MAN1B1: variants seen among roughly 807,000 people sequenced by gnomAD.
The protein encoded by MAN1B1 is mannosidase alpha class 1B member 1, also known as endoplasmic reticulum mannosyl-oligosaccharide 1,2-alpha-mannosidase.
A neutral mutation model predicts 75.5 loss-of-function variants in MAN1B1; 66 were observed. The observed-to-expected ratio is 0.87, with a 90% confidence interval of 0.72 to 1.07. The LOEUF (loss-of-function observed/expected upper bound fraction) is 1.07, where lower values mean the gene tolerates loss of function less well. Among genes scored for constraint, MAN1B1 ranks in the 50% least tolerant of loss-of-function variants. The pLI is 0.00. For missense variants in MAN1B1, 973 were observed against 912.5 expected (o/e 1.07, Z -0.85); for synonymous variants, 453 against 382.8 (o/e 1.18, Z -2.14).
chr9:137,093,458 T>C (rs900056044), intron 3 of MAN1B1, among the ~76,000 whole-genome samples: 2 of 152,234 alleles, frequency 1.3e-5, no homozygotes, highest in Non-Finnish European at 2.9e-5. Flanking sequence ...ATCCTGATAC[T>C]AAAATATATA....
chr9:137,102,989 G>A, intron 8 of MAN1B1: 1 of 394,192 alleles, frequency 2.5e-6, no homozygotes, highest in South Asian at 1.7e-5. Flanking sequence ...CAGGTCGGTG[G>A]TCTTACATTC....
intron 5 of MAN1B1, 89 bp from the exon 6 acceptor site, chr9:137,099,607 G>A (rs1296004433): frequency 3.9e-5 from 55 of 1,410,006 alleles, no homozygotes; most frequent in Non-Finnish European, 5.4e-5. Flanking sequence ...GCCCCATGGG[G>A]GTCACAGCAG....
At position 137,096,253 on chromosome 9, in the gene MAN1B1, T is replaced by C. The variant is rs2131002805; in HGVS notation, c.482T>C (p.Ile161Thr). ...TCTCTACAGAAGACACAAAGACACA[T>C]CCAGCGGGGACCACCTCACCTGCAG... ...EISSQKTQRH[I>T]QRGPPHLQIR... Residue 161 changes from isoleucine to threonine, a missense_variant, in exon 4 of 13, where the codon ATC becomes ACC. Ile to Thr is a moderately conservative substitution (Grantham distance 89, BLOSUM62 -1). Transcript: ENST00000371589. 1 of 1,614,030 alleles carries C rather than the reference T, an allele frequency of 6.2e-7. No homozygotes were observed. The highest frequency in any genetic ancestry group is 1.1e-5 in the South Asian group (1 of 91,064).
In MAN1B1 at chr9:137,097,541, C is replaced by T. The variant is rs556845679; in HGVS notation, c.621-287C>T. 3.3e-5 allele frequency among the ~76,000 whole-genome samples: 5 copies of T among 152,310 alleles called. No homozygotes were observed. In the East Asian group the frequency reaches 9.7e-4, roughly 29 times the overall value. On this transcript the variant is annotated intron_variant, in intron 4 of 12. Coordinates refer to ENST00000371589, the MANE Select transcript of MAN1B1 (RefSeq NM_016219.5). ...ATTCTCTACTCCTCCACCATAGAGG[C>T]CCCCCGCCTCCGGCCTCTGCAGAGG...
chr9:137,108,043 T>G, intron 12 of MAN1B1: 1 of 609,668 alleles, frequency 1.6e-6, no homozygotes, highest in South Asian at 2.0e-5. Context: ...CACGCCAGAG[T>G]GTCACTTCCT....
At chr9:137,097,317 C>G (rs572999304) in intron 4 of MAN1B1, among the ~76,000 whole-genome samples, 204 of 152,308 alleles carry the variant, frequency 1.3e-3, no homozygotes, top group African/African-American at 4.9e-3. Flanking sequence ...AGAGAACGCT[C>G]GGGCCCAGCC....
At chr9:137,092,439 A>G (rs1830541199) in intron 3 of MAN1B1, among the ~76,000 whole-genome samples, 1 of 152,170 alleles carries the variant, frequency 6.6e-6, no homozygotes, top group South Asian at 2.1e-4. Context: ...TGTGTACGTA[A>G]TTGAGGGTTA....
chr9:137,089,404 G>A, intron 3 of MAN1B1: 1 of 302,338 alleles, frequency 3.3e-6, no homozygotes, highest in South Asian at 3.0e-5. Context: ...GTTCAGGGGA[G>A]GCCGTGGCAC....
chr9:137,099,740 C>A lies in MAN1B1; in HGVS notation c.775C>A (p.His259Asn). ...GAAGGGCGTGATTGACGTCTTCCTGCATGCATGGAAAGGATACCGCAAGTT... is the reference window on the plus strand; with the variant it reads ...GAAGGGCGTGATTGACGTCTTCCTGAATGCATGGAAAGGATACCGCAAGTT... The part of the protein sequence containing the change: ...RQKGVIDVFL[H>N]AWKGYRKFAW... Residue 259 changes from histidine (H) to asparagine (N), a missense_variant, in exon 6 of 13, where the codon CAT becomes AAT. Coordinates refer to ENST00000371589, the MANE Select transcript of MAN1B1 (RefSeq NM_016219.5). 6.2e-7 allele frequency: 1 copy of A among 1,614,238 alleles called. No homozygotes were observed. Among genetic ancestry groups the A allele is most frequent in the Non-Finnish European group, 8.5e-7 (1 of 1,180,048 alleles).
chr9:137,095,004 A>T (rs979545486), intron 3 of MAN1B1, among the ~76,000 whole-genome samples: 1 of 150,740 alleles, frequency 6.6e-6, no homozygotes, highest in African/African-American at 2.4e-5. Flanking sequence ...CCTGGCAAAC[A>T]TGGTAAAACC....
At chr9:137,100,705 C>G (rs542847804) in intron 6 of MAN1B1, among the ~76,000 whole-genome samples, 1 of 152,202 alleles carries the variant, frequency 6.6e-6, no homozygotes, top group East Asian at 1.9e-4. Flanking sequence ...CTGCAGCCTT[C>G]GCCTCCCGGG....
intron 8 of MAN1B1, 157 bp downstream of exon 8, chr9:137,101,829 C>A (rs889547106): frequency 1.1e-6 from 1 of 937,874 alleles, no homozygotes. Flanking sequence ...CATTTCCAGG[C>A]GTGGTCGGTG....
intron 3 of MAN1B1, 113 bp downstream of exon 3, chr9:137,089,118 C>A: frequency 7.5e-7 from 1 of 1,335,566 alleles, no homozygotes; most frequent in Non-Finnish European, 1.1e-6. Context: ...CACGTGTTTA[C>A]CTCTCTCTCG....
Position 137,105,930 on chromosome 9 carries a change from G to C in MAN1B1, c.1255-195G>C, listed in dbSNP as rs192946303. On this transcript the variant is annotated intron_variant, in intron 8 of 12. Transcript: ENST00000371589. ...AGTGACATTCAGGTGCGTTGCACTGGTGGCTGTGTGGCTGTGTGGTACGGC... is the reference window on the plus strand; with the variant it reads ...AGTGACATTCAGGTGCGTTGCACTGCTGGCTGTGTGGCTGTGTGGTACGGC... The C allele has an allele frequency of 2.4e-4, 166 of 696,786 alleles. 2 individuals are homozygous for C. In the Admixed American group the frequency reaches 3.3e-3, roughly 14 times the overall value. The allele number at this position is 696,786 out of a possible 1,614,324, so 43.2% of individuals were successfully genotyped here.
Position 137,101,670 on chromosome 9 carries a change from C to T in MAN1B1, c.1252C>T (p.Gln418Ter). 1 of 1,611,964 alleles carries T rather than the reference C, an allele frequency of 6.2e-7. No homozygotes were observed. The highest frequency in any genetic ancestry group is 8.5e-7 in the Non-Finnish European group (1 of 1,178,840). Residue 418 changes from glutamine (Q) to a stop codon, truncating the protein, a stop_gained and splice_region_variant, in exon 8 of 13, where the codon CAG becomes TAG. Transcript: ENST00000371589. LOFTEE classifies it high-confidence loss of function. ...LSRLTGDKKF[Q>*]EAVEKVTQHI... ...CCGTCTCACAGGGGATAAGAAGTTT[C>T]AGGTAAGGGGGCAGGCTTTCTGGCT... is the stretch of plus-strand genomic sequence containing the variant.
intron 3 of MAN1B1, chr9:137,094,455 A>G (rs1830600029): frequency 4.6e-6 from 2 of 434,290 alleles, no homozygotes; most frequent in Non-Finnish European, 9.3e-6. Flanking sequence ...GACTAGAGAA[A>G]CACAGTGGAA....
At chr9:137,099,927 T>G in intron 6 of MAN1B1, 46 bp downstream of exon 6, 1 of 1,606,556 alleles carries the variant, frequency 6.2e-7, no homozygotes, top group Non-Finnish European at 8.5e-7. Context: ...CGTGTGGGCC[T>G]CGTGTGCTGA....
At chr9:137,104,742 GCC>G (rs1831033917) in intron 8 of MAN1B1, 1 of 157,476 alleles carries the variant, frequency 6.4e-6, no homozygotes, top group Non-Finnish European at 1.4e-5. Context: ...CTGTGTTTTG[GCC>G]GTTGTGAGTG....
intron 5 of MAN1B1, among the ~76,000 whole-genome samples, chr9:137,099,169 G>A (rs149037819): frequency 4.6e-5 from 7 of 152,382 alleles, no homozygotes; most frequent in South Asian, 4.1e-4. Context: ...ACTGTAGCGC[G>A]TGTGCACAGT....
Sources: gnomAD v4.1 joint callset for allele counts (sites outside exome capture counted in the v4.1 genomes callset) on GRCh38, gnomAD v4.1.1 for gene constraint, MANE v1.5 for transcripts, NCBI Gene and HGNC (gene_info 2026-07-23, HGNC 2026-07-21) for gene names.